EPS8: variants seen among roughly 807,000 people sequenced by gnomAD.
The protein encoded by EPS8 is EGFR pathway substrate 8, signaling adaptor, also known as epidermal growth factor receptor kinase substrate 8.
EPS8 carries 42 observed loss-of-function variants against 103.8 expected under a neutral mutation model. The observed-to-expected ratio is 0.40, with a 90% CI of 0.32 to 0.52. EPS8 has a LOEUF of 0.52. EPS8 is among the 20% of genes least tolerant of loss of function. EPS8 has a pLI of 0.40. For missense variants in EPS8, 969 were observed against 1,005.1 expected (o/e 0.96, Z 0.49); for synonymous variants, 344 against 344.6 (o/e 1.00, Z 0.02).
At chr12:15,773,019 T>G (rs1323033322) in intron 1 of EPS8, among the ~76,000 whole-genome samples, 3 of 152,156 alleles carry the variant, frequency 2.0e-5, no homozygotes, top group Admixed American at 2.0e-4. Flanking sequence ...CAGACCACAG[T>G]GGGCTCGCTG....
At chr12:15,783,644 A>G (rs1358322126) in intron 1 of EPS8, among the ~76,000 whole-genome samples, 1 of 151,756 alleles carries the variant, frequency 6.6e-6, no homozygotes, top group Non-Finnish European at 1.5e-5. Flanking sequence ...CTATGATAAG[A>G]TCTAAAAGAA....
intron 18 of EPS8, among the ~76,000 whole-genome samples, chr12:15,625,140 A>T (rs1944924257): frequency 6.6e-6 from 1 of 152,210 alleles, no homozygotes. Context: ...TAGTTAGAAG[A>T]AAACCTCCGT....
intron 17 of EPS8, among the ~76,000 whole-genome samples, chr12:15,631,998 T>A (rs901562890): frequency 1.3e-5 from 2 of 152,204 alleles, no homozygotes; most frequent in African/African-American, 2.4e-5. Flanking sequence ...AATTATTTTT[T>A]AATTTATGCT....
In EPS8 at chr12:15,733,129, A is replaced by G. The variant is rs781512170; in HGVS notation, c.-21-50157T>C. Among the ~76,000 whole-genome samples the G allele has an allele frequency of 3.3e-5, 5 of 152,210 alleles. No individual in the cohort carries two copies. Among genetic ancestry groups the G allele is most frequent in the Non-Finnish European group, 7.3e-5 (5 of 68,034 alleles). On this transcript the variant is annotated intron_variant, in intron 1 of 20. Transcript: ENST00000281172. The surrounding 1 kb of genome is among the most constrained non-coding windows in gnomAD (Gnocchi z 4.8). ...TATTCGTCCATTTTCACACTGCTAT[A>G]AAGATACTACACAAGATTGGGTAAT... is the stretch of plus-strand genomic sequence containing the variant.
chr12:15,766,036 A>C (rs186608370), intron 1 of EPS8, among the ~76,000 whole-genome samples: 25 of 151,186 alleles, frequency 1.7e-4, no homozygotes, highest in Middle Eastern at 3.4e-3. Flanking sequence ...GGCTGGTCTC[A>C]AACTCCTGAC....
chr12:15,669,789 T>C lies in EPS8; in HGVS notation c.241A>G (p.Met81Val), dbSNP rs201764343. 86 of 1,610,914 alleles carry C rather than the reference T, an allele frequency of 5.3e-5. 1 individual carries two copies. Among genetic ancestry groups the C allele is most frequent in the Non-Finnish European group, 5.9e-5 (70 of 1,179,156 alleles). The change falls in exon 5 of 21, where the codon ATG (methionine) becomes GTG (valine). Residue 81 changes from methionine (M) to valine (V), a missense_variant. Met to Val is a conservative substitution (Grantham distance 21). Transcript: ENST00000281172. ...TTFVLDRKDA[M>V]ITVDDGIRKL... ...CTTATTCCATCATCAACAGTGATCA[T>C]AGCATCTTTCCGATCCAGGACAAAG...
At chr12:15,638,509 C>T (rs1346497811) in intron 17 of EPS8, among the ~76,000 whole-genome samples, 1 of 152,186 alleles carries the variant, frequency 6.6e-6, no homozygotes, top group African/African-American at 2.4e-5. Context: ...CTTCTGCATA[C>T]ACACAGAAAG....
intron 3 of EPS8, among the ~76,000 whole-genome samples, chr12:15,677,968 G>A (rs1389048241): frequency 2.6e-5 from 4 of 152,140 alleles, no homozygotes; most frequent in African/African-American, 9.7e-5. Flanking sequence ...AAACTCGGGG[G>A]CTGCATTCCT....
intron 7 of EPS8, among the ~76,000 whole-genome samples, 157 bp downstream of exon 7, chr12:15,666,283 C>A (rs1486810937): frequency 6.6e-6 from 1 of 152,328 alleles, no homozygotes; most frequent in South Asian, 2.1e-4. Flanking sequence ...AGTAAACACA[C>A]TGACAAACTT....
At chr12:15,685,974 T>C (rs1014181793) in intron 1 of EPS8, among the ~76,000 whole-genome samples, 1 of 152,222 alleles carries the variant, frequency 6.6e-6, no homozygotes, top group African/African-American at 2.4e-5. Flanking sequence ...TTAATCACAC[T>C]AACTACATAA....
At position 15,751,112 on chromosome 12, in the gene EPS8, C is replaced by G. The variant is rs1353615670; in HGVS notation, c.-22+38049G>C. Among the ~76,000 whole-genome samples the G allele has an allele frequency of 2.0e-5, 3 of 152,136 alleles. No homozygotes were observed. Among genetic ancestry groups the G allele is most frequent in the Admixed American group, 2.0e-4 (3 of 15,274 alleles). On this transcript the variant is annotated intron_variant, in intron 1 of 20. Coordinates refer to ENST00000281172, the MANE Select transcript of EPS8 (RefSeq NM_004447.6). This position sits in a 1 kb window ranked among gnomAD's most constrained non-coding sequence, Gnocchi z 4.3. ...TGGCACATGCCTGTAAATCCCAGCT[C>G]TTTGGGAGGACGAGGCAGGCGGATC... is the stretch of plus-strand genomic sequence containing the variant.
chr12:15,667,257 T>C (rs916815173), intron 6 of EPS8, among the ~76,000 whole-genome samples: 7 of 152,180 alleles, frequency 4.6e-5, no homozygotes, highest in African/African-American at 1.4e-4. Context: ...GTATGTTGTA[T>C]TTCTTTTACA....
intron 18 of EPS8, among the ~76,000 whole-genome samples, chr12:15,628,004 T>C (rs1944978137): frequency 6.7e-6 from 1 of 148,798 alleles, no homozygotes. Flanking sequence ...AAAGTGTGAA[T>C]AGTTAGTGTT....
intron 18 of EPS8, among the ~76,000 whole-genome samples, chr12:15,628,690 G>A (rs1008669945): frequency 6.6e-6 from 1 of 152,208 alleles, no homozygotes. Flanking sequence ...CACTTGCTAC[G>A]TTGTAAAAAC....
intron 1 of EPS8, among the ~76,000 whole-genome samples, chr12:15,756,178 C>T (rs995770048): frequency 6.6e-6 from 1 of 152,072 alleles, no homozygotes; most frequent in Non-Finnish European, 1.5e-5. Flanking sequence ...AGTCTAGCAG[C>T]AAGTAACAGG....
At chr12:15,623,443 A>T (rs1332803927) in intron 19 of EPS8, among the ~76,000 whole-genome samples, 156 bp from the exon 20 acceptor site, 7 of 152,208 alleles carry the variant, frequency 4.6e-5, no homozygotes, top group Non-Finnish European at 8.8e-5. Context: ...TAGTTAGGGC[A>T]ATGACAAGTT....
chr12:15,642,666 A>G (rs532958855), intron 15 of EPS8, among the ~76,000 whole-genome samples: 1 of 152,256 alleles, frequency 6.6e-6, no homozygotes, highest in South Asian at 2.1e-4. Flanking sequence ...CTTCTCCTCC[A>G]TTTACATTCC....
intron 1 of EPS8, among the ~76,000 whole-genome samples, chr12:15,711,465 C>A (rs547518069): frequency 1.2e-4 from 19 of 152,216 alleles, no homozygotes; most frequent in African/African-American, 4.6e-4. Context: ...AAAACGGAAA[C>A]CTCTTTTATA....
intron 1 of EPS8, among the ~76,000 whole-genome samples, chr12:15,691,912 G>A (rs1312882367): frequency 6.6e-6 from 1 of 151,948 alleles, no homozygotes; most frequent in African/African-American, 2.4e-5. Flanking sequence ...ACCACCAGAA[G>A]TGGAGCCCTC....
Sources: allele counts gnomAD v4.1 joint callset (sites outside exome capture counted in the v4.1 genomes callset), GRCh38; gene constraint gnomAD v4.1.1; non-coding constraint Gnocchi (gnomAD v3.1); transcripts MANE v1.5; gene names NCBI Gene and HGNC (gene_info 2026-07-23, HGNC 2026-07-21).